The following TOP3A variants were observed in gnomAD, a reference collection of about 807,000 sequenced individuals.
TOP3A encodes the protein DNA topoisomerase 3-alpha.
Under a neutral mutation model 111.3 loss-of-function variants are expected in TOP3A, and 64 were observed. That is an observed-to-expected ratio of 0.57 (90% CI 0.47 to 0.71). The LOEUF is 0.71. TOP3A is among the 30% of genes least tolerant of loss of function. The pLI, the probability that TOP3A is intolerant of heterozygous loss-of-function variation, is 0.00. For missense variants in TOP3A, 1,104 were observed against 1,285.0 expected (o/e 0.86, Z 2.15); for synonymous variants, 484 against 485.1 (o/e 1.00, Z 0.03).
intron 4 of TOP3A, among the ~76,000 whole-genome samples, chr17:18,305,486 A>G (rs112019858): frequency 0.1 from 15,630 of 149,132 alleles, 1,144 homozygotes; most frequent in Middle Eastern, 0.19. Flanking sequence ...ACACACACAC[A>G]CGCGCGCGCG....
chr17:18,312,541 A>G, intron 1 of TOP3A: 1 of 168,204 alleles, frequency 5.9e-6, no homozygotes, highest in Admixed American at 6.0e-5. Context: ...GACAAATTAC[A>G]ACGACATATG....
chr17:18,280,384 C>G (rs1442464448), intron 17 of TOP3A, 152 bp downstream of exon 17: 1 of 821,568 alleles, frequency 1.2e-6, no homozygotes, highest in African/African-American at 1.7e-5. Context: ...AGAACTGGAC[C>G]AGCCCTGCTG....
At chr17:18,279,863 T>C (rs1361692063) in intron 17 of TOP3A, among the ~76,000 whole-genome samples, 1 of 152,098 alleles carries the variant, frequency 6.6e-6, no homozygotes, top group Non-Finnish European at 1.5e-5. Flanking sequence ...ATTTAAAATT[T>C]TTTTTGGCCA....
intron 5 of TOP3A, among the ~76,000 whole-genome samples, chr17:18,303,557 C>T (rs149794321): frequency 0.012 from 1,771 of 152,236 alleles, 10 homozygotes; most frequent in African/African-American, 0.024. Context: ...GACATCACGG[C>T]GGCAATACTG....
chr17:18,307,135 C>T, intron 3 of TOP3A, 169 bp from the exon 4 acceptor site: 2 of 557,526 alleles, frequency 3.6e-6, no homozygotes, highest in Non-Finnish European at 6.4e-6. Context: ...TCCACTTCTC[C>T]AAGAGTGTGA....
intron 13 of TOP3A, 88 bp downstream of exon 13, chr17:18,290,469 G>T: frequency 1.5e-6 from 2 of 1,356,850 alleles, no homozygotes; most frequent in South Asian, 1.7e-5. Context: ...CTGCATTAGA[G>T]AATGGTTTGA....
chr17:18,280,397 C>G, intron 17 of TOP3A, 139 bp downstream of exon 17: 1 of 948,448 alleles, frequency 1.1e-6, no homozygotes, highest in Non-Finnish European at 1.5e-6. Context: ...CCCTGCTGAA[C>G]TGGCTGCTGC....
At chr17:18,279,592 T>C (rs1184385981) in intron 17 of TOP3A, among the ~76,000 whole-genome samples, 2 of 149,422 alleles carry the variant, frequency 1.3e-5, no homozygotes, top group African/African-American at 5.0e-5. Flanking sequence ...TGTCTCACCA[T>C]GTTAGCCAGG....
Position 18,289,204 on chromosome 17 carries a change from G to A in TOP3A, c.1597+1353C>T, listed in dbSNP as rs7226015. Among the ~76,000 whole-genome samples, 793 of 152,228 alleles carry A rather than the reference G, an allele frequency of 5.2e-3. 5 individuals carry two copies. Among genetic ancestry groups the A allele is most frequent in the Middle Eastern group, 0.017 (5 of 294 alleles). ...ATTTTTGTATTTTTTTAGTAGTGATGGGGTTTTGCCATGTTGGCCAGGCTG... is the reference window on the plus strand; with the variant it reads ...ATTTTTGTATTTTTTTAGTAGTGATAGGGTTTTGCCATGTTGGCCAGGCTG... On this transcript the variant is annotated intron_variant, in intron 13 of 18. Transcript: ENST00000321105.
At chr17:18,295,564 C>A (rs1035301757) in intron 9 of TOP3A, among the ~76,000 whole-genome samples, 4 of 151,386 alleles carry the variant, frequency 2.6e-5, no homozygotes, top group Admixed American at 2.6e-4. Flanking sequence ...TGGGTTCATG[C>A]GATTCTCCTG....
chr17:18,308,187 G>A (rs548187178), intron 3 of TOP3A, 164 bp downstream of exon 3: 66 of 445,994 alleles, frequency 1.5e-4, no homozygotes, highest in African/African-American at 1.4e-3. Context: ...ACTCCAGCCT[G>A]GGAGACAGAG....
chr17:18,299,735 C>T (rs913580409), intron 8 of TOP3A, 102 bp from the exon 9 acceptor site: 2 of 1,112,468 alleles, frequency 1.8e-6, no homozygotes, highest in Admixed American at 3.4e-5. Context: ...ACACTGACCA[C>T]CGCCAGCTAA....
At chr17:18,295,958 AG>A (rs1980776378) in intron 9 of TOP3A, among the ~76,000 whole-genome samples, 3 of 149,004 alleles carry the variant, frequency 2.0e-5, no homozygotes, top group Admixed American at 6.8e-5. Context: ...TAGTAGAGAC[AG>A]GGTTTCACCA....
At chr17:18,297,438 G>GTCCCTGTCCCTCTCCCCACGGTC (rs1555571028) in intron 9 of TOP3A, among the ~76,000 whole-genome samples, 50,383 of 144,556 alleles carry the variant, frequency 0.35, 9,776 homozygotes, top group African/African-American at 0.53. Context: ...CCCTGTCCCT[G>GTCCCTGTCCCTCTCCCCACGGTC]TCCCTCTCCC....
At chr17:18,300,593 T>C (rs1597979854) in intron 8 of TOP3A, among the ~76,000 whole-genome samples, 1 of 152,030 alleles carries the variant, frequency 6.6e-6, no homozygotes, top group East Asian at 1.9e-4. Flanking sequence ...TCTCGTTCTG[T>C]CACTCAGGCT....
At chr17:18,305,435 T>C (rs1981497886) in intron 4 of TOP3A, among the ~76,000 whole-genome samples, 1 of 151,874 alleles carries the variant, frequency 6.6e-6, no homozygotes, top group Non-Finnish European at 1.5e-5. Context: ...GAGGGTTTAA[T>C]ATAACTTCCC....
intron 1 of TOP3A, among the ~76,000 whole-genome samples, chr17:18,309,866 C>A (rs898490958): frequency 1.3e-5 from 2 of 150,664 alleles, no homozygotes; most frequent in Non-Finnish European, 3.0e-5. Flanking sequence ...CCTGCCACCA[C>A]GCCCGGCTAA....
intron 1 of TOP3A, among the ~76,000 whole-genome samples, chr17:18,310,718 T>C (rs1298792312): frequency 1.3e-5 from 2 of 152,188 alleles, no homozygotes; most frequent in African/African-American, 2.4e-5. Flanking sequence ...GCACATTTAG[T>C]GGACAAAATT....
Position 18,290,834 on chromosome 17 carries a change from T to G in TOP3A, c.1467+8A>C. The G allele has an allele frequency of 1.2e-6, 2 of 1,613,686 alleles. No homozygotes were observed. The highest frequency in any genetic ancestry group is 4.5e-5 in the East Asian group (2 of 44,874). On this transcript the variant is annotated splice_region_variant and intron_variant, in intron 12 of 18. Transcript: ENST00000321105. The stretch of plus-strand genomic sequence containing the variant: ...TCCTCCCTCTCACTGGGGACCACTC[T>G]TTATTACCTTGTCACTCCAGTGATC...
Sources: allele counts gnomAD v4.1 joint callset (sites outside exome capture counted in the v4.1 genomes callset), GRCh38; gene constraint gnomAD v4.1.1; transcripts MANE v1.5; gene names NCBI Gene and HGNC (gene_info 2026-07-23, HGNC 2026-07-21).